The following SUCLG2 variants were observed in gnomAD, a reference collection of about 807,000 sequenced individuals.
SUCLG2 encodes succinate--CoA ligase [GDP-forming] subunit beta, mitochondrial.
Under a neutral mutation model 47.9 loss-of-function variants are expected in SUCLG2, and 42 were observed. That is an observed-to-expected ratio of 0.88 (90% confidence interval 0.69 to 1.14). SUCLG2 has a LOEUF of 1.14. Among genes scored for constraint, SUCLG2 ranks in the 50% most tolerant of loss-of-function variants. The pLI is 0.00. For missense variants in SUCLG2, 571 were observed against 525.9 expected (o/e 1.09, Z -0.84); for synonymous variants, 195 against 197.3 (o/e 0.99, Z 0.10).
intron 5 of SUCLG2, among the ~76,000 whole-genome samples, 172 bp from the exon 6 acceptor site, chr3:67,518,508 CAGACCATCTATAAAAA>C (rs1706011626): frequency 6.6e-6 from 1 of 152,180 alleles, no homozygotes. Context: ...TTTTAATTAG[CAGACCATCTATAAAAA>C]AGCCCTTCCA....
chr3:67,443,700 G>A (rs1703835535), intron 9 of SUCLG2, among the ~76,000 whole-genome samples: 1 of 89,346 alleles, frequency 1.1e-5, no homozygotes. Context: ...CCTCTGCCCC[G>A]CCGCCCCATC....
At chr3:67,382,080 T>G (rs1702170841) in intron 10 of SUCLG2, among the ~76,000 whole-genome samples, 1 of 152,208 alleles carries the variant, frequency 6.6e-6, no homozygotes, top group South Asian at 2.1e-4. Context: ...TTAAAAGTTA[T>G]TATTTTAATA....
chr3:67,405,116 C>T (rs1329872565), intron 9 of SUCLG2, among the ~76,000 whole-genome samples: 2 of 151,930 alleles, frequency 1.3e-5, no homozygotes, highest in African/African-American at 4.8e-5. Flanking sequence ...TACTGTTTTA[C>T]AAAAGTAAAG....
intron 9 of SUCLG2, among the ~76,000 whole-genome samples, chr3:67,432,803 C>T (rs1703520354): frequency 6.6e-6 from 1 of 152,152 alleles, no homozygotes; most frequent in Non-Finnish European, 1.5e-5. Flanking sequence ...TTGTATGACT[C>T]GCTCTCAAGC....
intron 8 of SUCLG2, among the ~76,000 whole-genome samples, chr3:67,497,345 C>T (rs571350064): frequency 6.6e-6 from 1 of 152,228 alleles, no homozygotes; most frequent in Admixed American, 6.5e-5. Context: ...TGAATTGATT[C>T]TACCAGAAAC....
At position 67,448,738 on chromosome 3, in the gene SUCLG2, G is replaced by A. The variant is rs530237316; in HGVS notation, c.1062+47060C>T. ...TTATCAGAAATATGAAAGTTCATAA[G>A]GACATATAGCTGGTACTAGGAAACA... On this transcript the variant is annotated intron_variant, in intron 9 of 10. Coordinates refer to ENST00000307227, the MANE Select transcript of SUCLG2 (RefSeq NM_003848.4). Among the ~76,000 whole-genome samples, 127 of 152,214 alleles carry A rather than the reference G, an allele frequency of 8.3e-4. 1 individual carries two copies. Among genetic ancestry groups the A allele is most frequent in the Middle Eastern group, 6.8e-3 (2 of 292 alleles).
chr3:67,453,092 C>T (rs1704096209), intron 9 of SUCLG2, among the ~76,000 whole-genome samples: 2 of 152,122 alleles, frequency 1.3e-5, no homozygotes, highest in African/African-American at 2.4e-5. Context: ...GCATATTTCT[C>T]TTCTTTACCC....
At position 67,374,966 on chromosome 3, in the gene SUCLG2, T is replaced by C; in HGVS notation, c.*778A>G. On this transcript the variant is annotated 3_prime_UTR_variant, in exon 11 of 11. Transcript: ENST00000307227. The stretch of plus-strand genomic sequence containing the variant: ...CAATTTGATCTTCAGTGTTGTCTCA[T>C]CTTGAAATATCTTAATAACAGAGAT... 1 of 985,812 alleles carries C rather than the reference T, an allele frequency of 1.0e-6. No individual in the cohort carries two copies. The highest frequency in any genetic ancestry group is 1.2e-6 in the Non-Finnish European group (1 of 829,910). 61.1% of individuals were successfully genotyped at this position (985,812 alleles called of 1,614,324 possible). A position where few individuals can be genotyped will look rare whatever the true frequency, so the allele number is the denominator to read the frequency against.
At chr3:67,568,635 C>A (rs1707530190) in intron 2 of SUCLG2, among the ~76,000 whole-genome samples, 1 of 152,180 alleles carries the variant, frequency 6.6e-6, no homozygotes, top group African/African-American at 2.4e-5. Flanking sequence ...CGCCTGTAAT[C>A]CCAGCACTTT....
chr3:67,448,503 G>A (rs1375072057), intron 9 of SUCLG2, among the ~76,000 whole-genome samples: 1 of 152,110 alleles, frequency 6.6e-6, no homozygotes, highest in Non-Finnish European at 1.5e-5. Flanking sequence ...TCATGCCTCA[G>A]CCTCCTGAGT....
chr3:67,507,016 C>T (rs896049338), intron 7 of SUCLG2, among the ~76,000 whole-genome samples: 3 of 152,138 alleles, frequency 2.0e-5, no homozygotes, highest in African/African-American at 7.2e-5. Flanking sequence ...GGGACAGTCA[C>T]AATGGTTTCT....
chr3:67,404,966 G>A (rs751629021), intron 9 of SUCLG2, among the ~76,000 whole-genome samples: 3 of 125,884 alleles, frequency 2.4e-5, no homozygotes, highest in Admixed American at 1.7e-4. Context: ...CTGGCAAAGA[G>A]AATTTTTTTT....
At chr3:67,422,213 C>A (rs1703176636) in intron 9 of SUCLG2, among the ~76,000 whole-genome samples, 2 of 151,232 alleles carry the variant, frequency 1.3e-5, no homozygotes, top group South Asian at 4.2e-4. Context: ...GTGGCTCATG[C>A]CTGTAATCCC....
At chr3:67,558,447 C>A (rs1337049646) in intron 2 of SUCLG2, among the ~76,000 whole-genome samples, 1 of 151,980 alleles carries the variant, frequency 6.6e-6, no homozygotes, top group Non-Finnish European at 1.5e-5. Flanking sequence ...CATGGATATT[C>A]CAGTTTCTTG....
intron 1 of SUCLG2, among the ~76,000 whole-genome samples, chr3:67,639,743 T>C (rs963385738): frequency 2.7e-4 from 41 of 152,302 alleles, no homozygotes; most frequent in African/African-American, 9.4e-4. Flanking sequence ...CCTCCTTCCC[T>C]TCAACTTCTC....
chr3:67,650,592 A>G (rs911870112), intron 1 of SUCLG2, among the ~76,000 whole-genome samples: 1 of 152,112 alleles, frequency 6.6e-6, no homozygotes, highest in African/African-American at 2.4e-5. Flanking sequence ...CCCCATCTCT[A>G]CTAAAAATAC....
intron 2 of SUCLG2, among the ~76,000 whole-genome samples, chr3:67,599,710 G>C (rs1375537612): frequency 3.9e-5 from 5 of 127,392 alleles, no homozygotes; most frequent in Non-Finnish European, 8.4e-5. Flanking sequence ...TCAAATAAAA[G>C]CCTGAAGACA....
intron 1 of SUCLG2, among the ~76,000 whole-genome samples, chr3:67,652,670 A>G (rs1339904744): frequency 6.6e-6 from 1 of 152,220 alleles, no homozygotes; most frequent in Non-Finnish European, 1.5e-5. Context: ...GCATGTTGAT[A>G]TAATATATTT....
At chr3:67,428,266 G>C (rs571837832) in intron 9 of SUCLG2, among the ~76,000 whole-genome samples, 1 of 152,234 alleles carries the variant, frequency 6.6e-6, no homozygotes, top group Non-Finnish European at 1.5e-5. Flanking sequence ...GAATCAGGCA[G>C]CAACATTTGC....
Sources: allele counts gnomAD v4.1 joint callset (sites outside exome capture counted in the v4.1 genomes callset), GRCh38; gene constraint gnomAD v4.1.1; transcripts MANE v1.5; gene names NCBI Gene and HGNC (gene_info 2026-07-23, HGNC 2026-07-21).